MALRD1: variants seen among roughly 807,000 people sequenced by gnomAD.
MALRD1 encodes MAM and LDL receptor class A domain containing 1.
Under a neutral mutation model 242.1 loss-of-function variants are expected in MALRD1, and 247 were observed. The ratio of observed to expected loss-of-function variants is 1.02; its 90% CI spans 0.92 to 1.13. The LOEUF is 1.13. MALRD1 is among the 50% of genes most tolerant of loss of function. The pLI, the probability that MALRD1 is intolerant of heterozygous loss-of-function variation, is 0.00. For missense variants in MALRD1, 2,989 were observed against 2,533.1 expected (o/e 1.18, Z -3.86); for synonymous variants, 995 against 866.6 (o/e 1.15, Z -2.60).
intron 29 of MALRD1, among the ~76,000 whole-genome samples, chr10:19,453,487 T>A (rs1835438890): frequency 6.6e-6 from 1 of 152,212 alleles, no homozygotes; most frequent in African/African-American, 2.4e-5. Flanking sequence ...TTAAATGTTA[T>A]ATGGCTAAAC....
At chr10:19,727,949 A>G (rs1329522439) in intron 38 of MALRD1, among the ~76,000 whole-genome samples, 1 of 152,186 alleles carries the variant, frequency 6.6e-6, no homozygotes, top group African/African-American at 2.4e-5. Flanking sequence ...AAATCATAAT[A>G]TTGAACTTGA....
At chr10:19,667,227 C>T (rs1049459921) in intron 36 of MALRD1, among the ~76,000 whole-genome samples, 6 of 151,788 alleles carry the variant, frequency 4.0e-5, no homozygotes, top group African/African-American at 7.3e-5. Flanking sequence ...GAGGCTGAGG[C>T]GAAGGATTGC....
intron 19 of MALRD1, among the ~76,000 whole-genome samples, chr10:19,262,620 C>T (rs540548740): frequency 3.8e-4 from 57 of 148,666 alleles, no homozygotes; most frequent in Non-Finnish European, 7.5e-4. Flanking sequence ...CATGCTACTG[C>T]ACTCCAGCCT....
chr10:19,499,427 C>A (rs893702833), intron 31 of MALRD1, among the ~76,000 whole-genome samples: 1 of 148,492 alleles, frequency 6.7e-6, no homozygotes, highest in Non-Finnish European at 1.5e-5. Flanking sequence ...CTCCTCCAAT[C>A]AACTGAAGGC....
intron 28 of MALRD1, among the ~76,000 whole-genome samples, chr10:19,415,640 A>G (rs1331510814): frequency 6.6e-6 from 1 of 152,166 alleles, no homozygotes; most frequent in Non-Finnish European, 1.5e-5. Context: ...AAATTCATAA[A>G]TGTGCTCTTT....
At chr10:19,620,291 G>A (rs1839343641) in intron 36 of MALRD1, among the ~76,000 whole-genome samples, 1 of 151,912 alleles carries the variant, frequency 6.6e-6, no homozygotes. Context: ...TACCCAATAG[G>A]TAGTAGTTTT....
At chr10:19,063,153 A>ACCC (rs1564368219) in intron 1 of MALRD1, among the ~76,000 whole-genome samples, 5 of 151,836 alleles carry the variant, frequency 3.3e-5, no homozygotes, top group African/African-American at 9.7e-5. Context: ...CCCCCCCCCA[A>ACCC]AAAAAAAGTT....
chr10:19,418,649 A>C (rs1833601463), intron 28 of MALRD1, among the ~76,000 whole-genome samples: 1 of 152,198 alleles, frequency 6.6e-6, no homozygotes, highest in African/African-American at 2.4e-5. Flanking sequence ...CAAAATTAAG[A>C]CATCATATTT....
chr10:19,237,931 ATTTTATACAGTTATATAAATTATATG>A (rs1384275942), intron 18 of MALRD1, among the ~76,000 whole-genome samples: 3,221 of 38,236 alleles, frequency 0.084, 225 homozygotes, highest in African/African-American at 0.2. Flanking sequence ...ATTATATGTA[ATTTTATACAGTTATATAAATTATATG>A]TAATTTTATA....
intron 26 of MALRD1, among the ~76,000 whole-genome samples, chr10:19,367,902 T>G (rs1845175628): frequency 6.6e-6 from 1 of 152,094 alleles, no homozygotes; most frequent in South Asian, 2.1e-4. Flanking sequence ...CATTTCTGTG[T>G]GTTTTGAGAA....
chr10:19,115,171 G>T (rs1352087739), intron 5 of MALRD1, among the ~76,000 whole-genome samples: 1 of 152,118 alleles, frequency 6.6e-6, no homozygotes, highest in East Asian at 1.9e-4. Flanking sequence ...TCCTAGGCTT[G>T]CTTACCCTGC....
intron 19 of MALRD1, among the ~76,000 whole-genome samples, chr10:19,271,395 G>A (rs1289503556): frequency 6.6e-6 from 1 of 152,142 alleles, no homozygotes; most frequent in South Asian, 2.1e-4. Context: ...TTCATCTAAA[G>A]TTAAAAACCC....
At chr10:19,465,583 T>C (rs970298697) in intron 29 of MALRD1, among the ~76,000 whole-genome samples, 4 of 152,132 alleles carry the variant, frequency 2.6e-5, no homozygotes, top group Non-Finnish European at 5.9e-5. Flanking sequence ...CAGGCTGAAG[T>C]ATAATAGCAC....
At chr10:19,124,043 C>CAA (rs71387044) in intron 6 of MALRD1, among the ~76,000 whole-genome samples, 26 of 87,252 alleles carry the variant, frequency 3.0e-4, no homozygotes, top group Admixed American at 1.6e-3. Flanking sequence ...TCATCTCTAC[C>CAA]AAAAAAAAAA....
intron 28 of MALRD1, among the ~76,000 whole-genome samples, chr10:19,395,032 G>T (rs1345832534): frequency 1.3e-5 from 2 of 152,148 alleles, no homozygotes; most frequent in African/African-American, 4.8e-5. Flanking sequence ...GTGGATTTTG[G>T]AATGTAAATC....
rs375588999 is a variant in MALRD1 at position 19,530,406 on chromosome 10, T to TAAATAA, written c.5321-787_5321-786insAATAAA. Among the ~76,000 whole-genome samples the TAAATAA allele has an allele frequency of 7.5e-5, 3 of 39,816 alleles. 1 individual carries two copies. In the Admixed American group the frequency reaches 9.0e-4, roughly 12 times the overall value. 26.1% of individuals were successfully genotyped at this position (39,816 alleles called of 152,430 possible). A position where few individuals can be genotyped will look rare whatever the true frequency, so the allele number is the denominator to read the frequency against. Reference sequence around the variant, plus strand: ...ATTATATATTTATATAAATATTATATATTTATATAATAATAAATATATAAT... The same window carrying TAAATAA: ...ATTATATATTTATATAAATATTATATAAATAAATTTATATAATAATAAATATATAAT... On this transcript the variant is annotated intron_variant, in intron 31 of 39. Transcript: ENST00000454679.
At chr10:19,591,326 A>G (rs1025019361) in intron 33 of MALRD1, among the ~76,000 whole-genome samples, 2 of 152,184 alleles carry the variant, frequency 1.3e-5, no homozygotes, top group African/African-American at 4.8e-5. Context: ...TCAACTGCAA[A>G]CTGCAAAATG....
chr10:19,136,706 T>C lies in MALRD1; in HGVS notation c.1336T>C (p.Cys446Arg), dbSNP rs1022323721. Residue 446 changes from cysteine (C) to arginine (R), a missense_variant, in exon 10 of 40, where the codon TGC becomes CGC. Physicochemically the swap from Cys to Arg is radical, Grantham distance 180 (BLOSUM62 -3). Coordinates refer to ENST00000454679, the MANE Select transcript of MALRD1 (RefSeq NM_001142308.3). The part of the protein sequence containing the change: ...ADEFPCTSGQ[C>R]IAKESVCDSR... ...CGAATTCCCTTGCACTAGTGGCCAG[T>C]GCATCGCCAAAGAATCTGTCTGTGA... 21 of 1,231,598 alleles carry C rather than the reference T, an allele frequency of 1.7e-5. No individual in the cohort carries two copies. The highest frequency in any genetic ancestry group is 8.1e-6 in the Non-Finnish European group (8 of 988,000). 76.3% of individuals were successfully genotyped at this position (1,231,598 alleles called of 1,614,324 possible). A position where few individuals can be genotyped will look rare whatever the true frequency, so the allele number is the denominator to read the frequency against.
intron 26 of MALRD1, among the ~76,000 whole-genome samples, chr10:19,369,565 A>G (rs1341350559): frequency 2.0e-5 from 3 of 149,344 alleles, no homozygotes; most frequent in Non-Finnish European, 4.5e-5. Context: ...TACATATAAT[A>G]TGCAAATATG....
Sources: allele counts gnomAD v4.1 joint callset (sites outside exome capture counted in the v4.1 genomes callset), GRCh38; gene constraint gnomAD v4.1.1; transcripts MANE v1.5; gene names NCBI Gene and HGNC (gene_info 2026-07-23, HGNC 2026-07-21).